Variants in ESRRG observed in about 807,000 individuals in gnomAD.
The protein encoded by ESRRG is estrogen related receptor gamma.
ESRRG carries 13 observed loss-of-function variants against 44.0 expected under a neutral mutation model. The observed-to-expected ratio is 0.30, with a 90% CI of 0.19 to 0.47. The LOEUF (loss-of-function observed/expected upper bound fraction) is 0.47, where lower values mean the gene tolerates loss of function less well. Among genes scored for constraint, ESRRG ranks in the 20% least tolerant of loss-of-function variants. The pLI is 1.00. For missense variants in ESRRG, 395 were observed against 580.6 expected (o/e 0.68, Z 3.29); for synonymous variants, 215 against 214.6 (o/e 1.00, Z -0.02).
At chr1:216,954,083 A>G (rs960925617) in intron 1 of ESRRG, among the ~76,000 whole-genome samples, 42 of 152,252 alleles carry the variant, frequency 2.8e-4, no homozygotes, top group African/African-American at 9.6e-4. Flanking sequence ...TATCTCTAAA[A>G]CATCACTTAA....
chr1:216,565,216 T>C lies in ESRRG; in HGVS notation c.701-836A>G, dbSNP rs565229889. On this transcript the variant is annotated intron_variant, in intron 4 of 6. Coordinates refer to ENST00000408911, the MANE Select transcript of ESRRG (RefSeq NM_001438.4). ...TGGAAAGCATCACATCAAATGTGTTTTATTGCTCAGGGGCATGTGAGGGTT... is the reference window on the plus strand; with the variant it reads ...TGGAAAGCATCACATCAAATGTGTTCTATTGCTCAGGGGCATGTGAGGGTT... Among the ~76,000 whole-genome samples the C allele has an allele frequency of 1.3e-3, 202 of 152,328 alleles. 1 individual carries two copies. Among genetic ancestry groups the C allele is most frequent in the African/African-American group, 4.7e-3 (197 of 41,588 alleles).
In ESRRG at chr1:217,068,874, T is replaced by A. The variant is rs115502844; in HGVS notation, c.-106+20633A>T. The stretch of plus-strand genomic sequence containing the variant: ...AAAATACTCCAATCCCTAACTTTAA[T>A]CCTTCCCCTCCACGTCCAGCATTTA... On this transcript the variant is annotated intron_variant, in intron 1 of 7. Coordinates refer to the ESRRG transcript ENST00000359162. Among the ~76,000 whole-genome samples, 1,189 of 152,272 alleles carry A rather than the reference T, an allele frequency of 7.8e-3. 16 individuals are homozygous for A. Among genetic ancestry groups the A allele is most frequent in the African/African-American group, 0.027 (1,140 of 41,548 alleles).
intron 3 of ESRRG, among the ~76,000 whole-genome samples, chr1:216,625,355 C>T (rs1272976364): frequency 4.9e-5 from 7 of 143,230 alleles, no homozygotes; most frequent in African/African-American, 1.9e-4. Flanking sequence ...CCAAATGTCC[C>T]AATAGTACCA....
At chr1:216,755,445 A>G (rs1359025232) in intron 2 of ESRRG, among the ~76,000 whole-genome samples, 1 of 152,078 alleles carries the variant, frequency 6.6e-6, no homozygotes, top group East Asian at 1.9e-4. Context: ...TATCAAAGTG[A>G]CTATATCATA....
At chr1:217,129,608 C>T (rs554184698) in intron 1 of ESRRG, among the ~76,000 whole-genome samples, 9 of 151,934 alleles carry the variant, frequency 5.9e-5, no homozygotes, top group Non-Finnish European at 8.8e-5. Flanking sequence ...TACTATTCAG[C>T]GATAAAGAGG....
At chr1:216,797,100 C>T (rs2094491539) in intron 2 of ESRRG, among the ~76,000 whole-genome samples, 1 of 152,052 alleles carries the variant, frequency 6.6e-6, no homozygotes, top group African/African-American at 2.4e-5. Context: ...CCATGTTGGT[C>T]AGCCTGGTCT....
chr1:216,868,582 C>G (rs1407558534), intron 2 of ESRRG, among the ~76,000 whole-genome samples: 2 of 151,956 alleles, frequency 1.3e-5, no homozygotes, highest in Non-Finnish European at 2.9e-5. Context: ...ATGTAAATAT[C>G]CACGAGTGGG....
At chr1:216,839,632 G>A (rs1448165026) in intron 2 of ESRRG, among the ~76,000 whole-genome samples, 3 of 152,170 alleles carry the variant, frequency 2.0e-5, no homozygotes, top group Admixed American at 6.5e-5. Flanking sequence ...AATTGATGTT[G>A]TGTATATGAA....
At chr1:216,976,201 A>C (rs2072850497) in intron 1 of ESRRG, among the ~76,000 whole-genome samples, 1 of 152,154 alleles carries the variant, frequency 6.6e-6, no homozygotes, top group South Asian at 2.1e-4. Flanking sequence ...TAAAAAATAC[A>C]AATCACTCTA....
At chr1:216,918,491 G>A (rs900357173) in intron 2 of ESRRG, among the ~76,000 whole-genome samples, 1 of 152,188 alleles carries the variant, frequency 6.6e-6, no homozygotes, top group East Asian at 1.9e-4. Context: ...TCTAGATAGT[G>A]CAAGCTTCTC....
intron 3 of ESRRG, among the ~76,000 whole-genome samples, chr1:216,630,439 C>T (rs1170527419): frequency 8.1e-6 from 1 of 123,468 alleles, no homozygotes; most frequent in Admixed American, 8.0e-5. Context: ...TGCACATGTG[C>T]GTGTGAACAC....
At chr1:216,620,722 A>T (rs188944092) in intron 3 of ESRRG, among the ~76,000 whole-genome samples, 1 of 152,314 alleles carries the variant, frequency 6.6e-6, no homozygotes, top group East Asian at 1.9e-4. Flanking sequence ...GACCTAGAGA[A>T]AAAATATGTA....
chr1:216,955,081 A>T (rs970656494), intron 1 of ESRRG, among the ~76,000 whole-genome samples: 1 of 152,156 alleles, frequency 6.6e-6, no homozygotes, highest in African/African-American at 2.4e-5. Flanking sequence ...GATTTTTTGA[A>T]CATATACACT....
intron 1 of ESRRG, among the ~76,000 whole-genome samples, chr1:216,689,577 T>C (rs1240267699): frequency 6.6e-6 from 1 of 152,108 alleles, no homozygotes; most frequent in Non-Finnish European, 1.5e-5. Context: ...TTTTGGGATT[T>C]TTTGGATTTT....
At chr1:216,518,007 A>C (rs1214350918) in intron 6 of ESRRG, among the ~76,000 whole-genome samples, 1 of 152,194 alleles carries the variant, frequency 6.6e-6, no homozygotes, top group East Asian at 1.9e-4. Context: ...TTAATTACAA[A>C]ATCAATTAAA....
chr1:217,077,160 A>T (rs887571014), intron 1 of ESRRG, among the ~76,000 whole-genome samples: 1 of 152,182 alleles, frequency 6.6e-6, no homozygotes, highest in African/African-American at 2.4e-5. Context: ...GTGGTGGCTG[A>T]ATCCATGGTT....
At chr1:216,610,830 A>T (rs2060549928) in intron 3 of ESRRG, among the ~76,000 whole-genome samples, 2 of 152,190 alleles carry the variant, frequency 1.3e-5, no homozygotes. Context: ...CCTGTGAGAA[A>T]AAAGGAAAGG....
chr1:216,617,222 G>A (rs961203452), intron 3 of ESRRG, among the ~76,000 whole-genome samples: 1 of 152,128 alleles, frequency 6.6e-6, no homozygotes, highest in Admixed American at 6.5e-5. Context: ...GAAGGCATGA[G>A]TGGCTGATGT....
chr1:216,870,833 A>G (rs1031701809), intron 2 of ESRRG, among the ~76,000 whole-genome samples: 10 of 151,818 alleles, frequency 6.6e-5, no homozygotes, highest in African/African-American at 2.2e-4. Context: ...ATCTGTGATG[A>G]TATCCCCTAT....
Sources: gnomAD v4.1 joint callset for allele counts (sites outside exome capture counted in the v4.1 genomes callset) on GRCh38, gnomAD v4.1.1 for gene constraint, MANE v1.5 for transcripts, NCBI Gene and HGNC (gene_info 2026-07-23, HGNC 2026-07-21) for gene names.